The following KLF12 variants were observed in gnomAD, a reference collection of about 807,000 sequenced individuals.
KLF12 encodes the protein KLF transcription factor 12, also known as Krueppel-like factor 12.
In KLF12, 9 loss-of-function variants were observed where a neutral mutation model predicts 37.8. The ratio of observed to expected loss-of-function variants is 0.24; its 90% CI spans 0.14 to 0.42. The LOEUF is 0.42. Ranked by LOEUF, KLF12 falls within the 10% of genes least tolerant of loss-of-function variation. KLF12 has a pLI of 1.00. For missense variants in KLF12, 411 were observed against 516.0 expected (o/e 0.80, Z 1.97); for synonymous variants, 208 against 202.1 (o/e 1.03, Z -0.25).
chr13:73,859,974 C>A (rs935625045), intron 3 of KLF12, among the ~76,000 whole-genome samples: 1 of 151,902 alleles, frequency 6.6e-6, no homozygotes, highest in Non-Finnish European at 1.5e-5. Flanking sequence ...TATTTTTGAC[C>A]AATGATGAGT....
At chr13:73,990,256 A>G (rs1054071270) in intron 2 of KLF12, among the ~76,000 whole-genome samples, 1 of 152,194 alleles carries the variant, frequency 6.6e-6, no homozygotes, top group Non-Finnish European at 1.5e-5. Context: ...TGTCATAAAA[A>G]CAGACTCTAC....
intron 2 of KLF12, among the ~76,000 whole-genome samples, chr13:73,945,386 T>G (rs10219785): frequency 0.055 from 8,317 of 152,206 alleles, 291 homozygotes; most frequent in African/African-American, 0.1. Context: ...AGAGAATTAC[T>G]TGAACCTTGG....
chr13:73,774,304 CTA>C (rs1250631346), intron 5 of KLF12, among the ~76,000 whole-genome samples: 262 of 137,816 alleles, frequency 1.9e-3, no homozygotes, highest in Middle Eastern at 7.6e-3. Context: ...ACACACACAT[CTA>C]TATATATATA....
the KLF12 span, among the ~76,000 whole-genome samples, chr13:74,215,245 A>G: frequency 6.6e-6 from 1 of 151,310 alleles, no homozygotes; most frequent in African/African-American, 2.4e-5. Flanking sequence ...TTATCTTTTT[A>G]TGTTTTCTGA....
At chr13:74,137,437 T>G, upstream of KLF12, among the ~76,000 whole-genome samples, 1 of 152,304 alleles carries the variant, frequency 6.6e-6, no homozygotes, top group Non-Finnish European at 1.5e-5. Flanking sequence ...ATTTACTTAG[T>G]CTTAGATAAC....
intron 2 of KLF12, among the ~76,000 whole-genome samples, chr13:73,979,729 T>C (rs1172096162): frequency 6.6e-6 from 1 of 152,216 alleles, no homozygotes. Context: ...AATAGACTAC[T>C]GTGAACATTT....
intron 1 of KLF12, among the ~76,000 whole-genome samples, chr13:74,073,242 TA>T (rs1874379914): frequency 6.6e-6 from 1 of 152,248 alleles, no homozygotes; most frequent in Non-Finnish European, 1.5e-5. Flanking sequence ...TACAGCCATC[TA>T]TTTGACTGAT....
chr13:73,722,360 A>C (rs1876331978), intron 6 of KLF12, among the ~76,000 whole-genome samples: 1 of 152,228 alleles, frequency 6.6e-6, no homozygotes, highest in African/African-American at 2.4e-5. Flanking sequence ...TCCCTTAACC[A>C]GCAGATGGCT....
chr13:73,695,473 TG>T lies in KLF12; in HGVS notation c.*16del. On this transcript the variant is annotated 3_prime_UTR_variant, in exon 8 of 8. Transcript: ENST00000377669. ...AAGAGATCCAGCTCTTACGCTCAGC[TG>T]GACAGGTAGCATTCCTCACACCAAC... 6.2e-7 allele frequency: 1 copy of T among 1,612,480 alleles called. No individual in the cohort carries two copies. The highest frequency in any genetic ancestry group is 8.5e-7 in the Non-Finnish European group (1 of 1,179,252).
At chr13:73,964,151 G>A (rs1469617958) in intron 2 of KLF12, among the ~76,000 whole-genome samples, 3 of 152,116 alleles carry the variant, frequency 2.0e-5, no homozygotes, top group Non-Finnish European at 4.4e-5. Flanking sequence ...CAAATAGTGG[G>A]CAATGGAAAA....
chr13:74,203,254 G>T, the KLF12 span, among the ~76,000 whole-genome samples: 5 of 151,970 alleles, frequency 3.3e-5, no homozygotes, highest in African/African-American at 1.2e-4. Context: ...GATTAGACTT[G>T]GGTGTCATTA....
At chr13:73,929,712 T>G (rs933376285) in intron 3 of KLF12, among the ~76,000 whole-genome samples, 1 of 152,212 alleles carries the variant, frequency 6.6e-6, no homozygotes, top group African/African-American at 2.4e-5. Flanking sequence ...TCCAAGTGTG[T>G]GGTGCCAGAA....
intron 6 of KLF12, among the ~76,000 whole-genome samples, chr13:73,763,226 T>C (rs1879684269): frequency 6.6e-6 from 1 of 152,202 alleles, no homozygotes; most frequent in Non-Finnish European, 1.5e-5. Context: ...ATATTATAAA[T>C]ATATCTCCTT....
the KLF12 span, among the ~76,000 whole-genome samples, chr13:74,261,859 GC>G: frequency 3.9e-5 from 6 of 152,164 alleles, no homozygotes; most frequent in Non-Finnish European, 5.9e-5. Flanking sequence ...CTCTGTGCTT[GC>G]CAAATGTTCT....
At chr13:74,207,502 C>T in the KLF12 span, among the ~76,000 whole-genome samples, 5 of 151,950 alleles carry the variant, frequency 3.3e-5, no homozygotes, top group East Asian at 1.9e-4. Context: ...GGTGAAACCC[C>T]GTCTCTACTA....
chr13:74,125,895 TAGAG>T (rs1877912002), intron 1 of KLF12, among the ~76,000 whole-genome samples: 1 of 152,192 alleles, frequency 6.6e-6, no homozygotes, highest in African/African-American at 2.4e-5. Context: ...CGTTTAATGA[TAGAG>T]GGAGGTAGGA....
intron 3 of KLF12, among the ~76,000 whole-genome samples, chr13:73,936,806 T>C (rs1260694638): frequency 6.6e-6 from 1 of 152,170 alleles, no homozygotes; most frequent in Non-Finnish European, 1.5e-5. Context: ...ACATCTCTTA[T>C]TTCATCTGAG....
chr13:73,971,708 T>G (rs1391232609), intron 2 of KLF12, among the ~76,000 whole-genome samples: 1 of 152,122 alleles, frequency 6.6e-6, no homozygotes, highest in Non-Finnish European at 1.5e-5. Context: ...AATACTACAT[T>G]CACAATGGTG....
intron 7 of KLF12, among the ~76,000 whole-genome samples, chr13:73,707,923 G>T (rs1875069847): frequency 1.3e-5 from 2 of 152,138 alleles, no homozygotes. Flanking sequence ...AATCATTTAG[G>T]ATCGCTATGT....
Sources: gnomAD v4.1 joint callset for allele counts (sites outside exome capture counted in the v4.1 genomes callset) on GRCh38, gnomAD v4.1.1 for gene constraint, MANE v1.5 for transcripts, NCBI Gene and HGNC (gene_info 2026-07-23, HGNC 2026-07-21) for gene names.